Variants in GPR158 observed in about 807,000 individuals in gnomAD.
The protein encoded by GPR158 is metabotropic glycine receptor.
A neutral mutation model predicts 78.2 loss-of-function variants in GPR158; 30 were observed. The ratio of observed to expected loss-of-function variants is 0.38; its 90% CI spans 0.29 to 0.52. The LOEUF (loss-of-function observed/expected upper bound fraction) is 0.52. Among genes scored for constraint, GPR158 ranks in the 20% least tolerant of loss-of-function variants. The pLI, the probability that GPR158 is intolerant of heterozygous loss-of-function variation, is 0.83. For synonymous variants in GPR158, 581 were observed against 591.1 expected (o/e 0.98, Z 0.25); for missense variants, 1,463 against 1,523.5 (o/e 0.96, Z 0.66).
At chr10:25,226,281 A>T (rs1011214337) in intron 2 of GPR158, among the ~76,000 whole-genome samples, 4 of 152,152 alleles carry the variant, frequency 2.6e-5, no homozygotes, top group Non-Finnish European at 5.9e-5. Flanking sequence ...CCATGTAACT[A>T]GTGGCTACCA....
intron 6 of GPR158, among the ~76,000 whole-genome samples, chr10:25,566,631 A>C (rs1440862456): frequency 6.6e-6 from 1 of 152,226 alleles, no homozygotes; most frequent in Non-Finnish European, 1.5e-5. Flanking sequence ...AAATTAGTCA[A>C]TATATTTAGA....
At chr10:25,241,350 C>T (rs1039557620) in intron 2 of GPR158, among the ~76,000 whole-genome samples, 4 of 109,112 alleles carry the variant, frequency 3.7e-5, no homozygotes, top group African/African-American at 4.4e-5. Context: ...TCTCTTTTCT[C>T]TTTTCTTTTC....
chr10:25,516,088 A>G (rs944672483), intron 5 of GPR158, among the ~76,000 whole-genome samples: 3 of 151,624 alleles, frequency 2.0e-5, no homozygotes, highest in African/African-American at 7.3e-5. Flanking sequence ...GATATCTCAT[A>G]GTGGTTTTGA....
At chr10:25,503,263 G>A (rs1835965190) in intron 5 of GPR158, among the ~76,000 whole-genome samples, 1 of 151,824 alleles carries the variant, frequency 6.6e-6, no homozygotes, top group Non-Finnish European at 1.5e-5. Flanking sequence ...TCTAGTCCTA[G>A]CTACTTAGGA....
At chr10:25,361,296 A>G (rs1281823454) in intron 2 of GPR158, among the ~76,000 whole-genome samples, 4 of 151,638 alleles carry the variant, frequency 2.6e-5, no homozygotes, top group East Asian at 3.9e-4. Context: ...ATAATATTTT[A>G]TTGTTTCTAT....
chr10:25,394,675 G>T (rs1288957820), intron 2 of GPR158, among the ~76,000 whole-genome samples: 2 of 152,090 alleles, frequency 1.3e-5, no homozygotes, highest in African/African-American at 2.4e-5. Flanking sequence ...AAAGAAGAGG[G>T]TATTAATGAA....
At chr10:25,267,753 A>C (rs973057851) in intron 2 of GPR158, among the ~76,000 whole-genome samples, 2 of 152,110 alleles carry the variant, frequency 1.3e-5, no homozygotes, top group Non-Finnish European at 2.9e-5. Flanking sequence ...TTTTAAATGA[A>C]AGTAAAATCT....
intron 5 of GPR158, among the ~76,000 whole-genome samples, chr10:25,507,212 T>A (rs377382904): frequency 7.2e-5 from 11 of 152,306 alleles, no homozygotes; most frequent in African/African-American, 2.6e-4. Context: ...CATATGGCTG[T>A]TCCTAATTTT....
intron 2 of GPR158, among the ~76,000 whole-genome samples, chr10:25,308,372 C>T (rs1367813779): frequency 6.6e-6 from 1 of 151,988 alleles, no homozygotes; most frequent in Non-Finnish European, 1.5e-5. Context: ...TCATTGTTTC[C>T]CTCCCACTTG....
chr10:25,576,586 T>G (rs369085765), intron 7 of GPR158, among the ~76,000 whole-genome samples: 1 of 152,056 alleles, frequency 6.6e-6, no homozygotes, highest in Admixed American at 6.6e-5. Context: ...CTGAGATAGA[T>G]AGTGCAAAAG....
intron 2 of GPR158, among the ~76,000 whole-genome samples, chr10:25,374,376 T>G (rs1295308762): frequency 6.6e-6 from 1 of 151,666 alleles, no homozygotes; most frequent in Non-Finnish European, 1.5e-5. Flanking sequence ...ATATCAAAAC[T>G]AGGAAACTGT....
intron 5 of GPR158, among the ~76,000 whole-genome samples, chr10:25,468,866 A>G (rs1380740128): frequency 1.3e-5 from 2 of 152,220 alleles, no homozygotes; most frequent in Admixed American, 1.3e-4. Context: ...GGAAGAGATG[A>G]GTTAATGCAA....
At chr10:25,563,031 AT>A in intron 6 of GPR158, among the ~76,000 whole-genome samples, 1 of 152,146 alleles carries the variant, frequency 6.6e-6, no homozygotes, top group South Asian at 2.1e-4. Flanking sequence ...ATATAATGTC[AT>A]TTTTTGTCTC....
intron 2 of GPR158, among the ~76,000 whole-genome samples, chr10:25,230,544 G>C (rs751114121): frequency 1.8e-4 from 27 of 151,668 alleles, no homozygotes; most frequent in Non-Finnish European, 2.9e-4. Flanking sequence ...AAGAATCAAA[G>C]AAATTGAGAA....
chr10:25,478,867 T>C (rs2130633491), intron 5 of GPR158, among the ~76,000 whole-genome samples: 1 of 145,816 alleles, frequency 6.9e-6, no homozygotes, highest in African/African-American at 2.5e-5. Flanking sequence ...CATTGTCCAG[T>C]TCCCACCTAT....
intron 2 of GPR158, among the ~76,000 whole-genome samples, chr10:25,371,431 C>T (rs1165721125): frequency 6.6e-6 from 1 of 151,816 alleles, no homozygotes; most frequent in African/African-American, 2.4e-5. Context: ...AAGCTGGAGG[C>T]ATCATGCTAC....
chr10:25,345,244 G>A (rs528230360), intron 2 of GPR158, among the ~76,000 whole-genome samples: 1 of 151,984 alleles, frequency 6.6e-6, no homozygotes, highest in African/African-American at 2.4e-5. Flanking sequence ...TGGTTCACCA[G>A]TGGGAGCTCT....
At chr10:25,337,183 A>C (rs892159882) in intron 2 of GPR158, among the ~76,000 whole-genome samples, 1 of 152,104 alleles carries the variant, frequency 6.6e-6, no homozygotes, top group African/African-American at 2.4e-5. Flanking sequence ...AAAGACATAC[A>C]TATAGTAAAC....
At position 25,175,324 on chromosome 10, in the gene GPR158, A is replaced by G. The variant is rs1414472267; in HGVS notation, c.-97A>G. ...GGGTGCCATCTGGAGAAGGGGGAAG[A>G]CTCCTCGAAAAAGTCTGACTGTTGA... is the stretch of plus-strand genomic sequence containing the variant. On this transcript the variant is annotated 5_prime_UTR_variant, in exon 1 of 11. Transcript: ENST00000376351. This position sits in a 1 kb window ranked among gnomAD's most constrained non-coding sequence, Gnocchi z 6.4. 2 of 711,372 alleles carry G rather than the reference A, an allele frequency of 2.8e-6. No individual in the cohort carries two copies. Among genetic ancestry groups the G allele is most frequent in the African/African-American group, 1.8e-5 (1 of 56,062 alleles). 44.1% of individuals were successfully genotyped at this position (711,372 alleles called of 1,614,324 possible).
Sources: allele counts gnomAD v4.1 joint callset (sites outside exome capture counted in the v4.1 genomes callset), GRCh38; gene constraint gnomAD v4.1.1; non-coding constraint Gnocchi (gnomAD v3.1); transcripts MANE v1.5; gene names NCBI Gene and HGNC (gene_info 2026-07-23, HGNC 2026-07-21).